CDHR4: variants seen among roughly 807,000 people sequenced by gnomAD.
CDHR4 encodes the protein cadherin related family member 4.
In CDHR4, 89 loss-of-function variants were observed where a neutral mutation model predicts 88.4. The observed-to-expected ratio is 1.01, with a 90% CI of 0.85 to 1.20. The LOEUF is 1.20. Among genes scored for constraint, CDHR4 ranks in the 50% most tolerant of loss-of-function variants. The probability of loss-of-function intolerance (pLI) is 0.00; values close to 1 mark genes in which losing one functional copy is unlikely to be tolerated. For missense variants in CDHR4, 914 were observed against 1,007.2 expected, an observed-to-expected ratio of 0.91 and a Z score of 1.25; for synonymous variants, 368 against 399.2, an observed-to-expected ratio of 0.92 and a Z score of 0.93.
At chr3:49,797,567 C>T (rs1265139008) in intron 4 of CDHR4, among the ~76,000 whole-genome samples, 1 of 152,114 alleles carries the variant, frequency 6.6e-6, no homozygotes, top group African/African-American at 2.4e-5. Context: ...CTGCAGCCTC[C>T]ACCTCCTGGG....
upstream of CDHR4, among the ~76,000 whole-genome samples, chr3:49,802,293 C>G (rs921761029): frequency 6.6e-6 from 1 of 152,182 alleles, no homozygotes; most frequent in Non-Finnish European, 1.5e-5. Context: ...CCTGCCTCAG[C>G]CTCAGGAGTA....
At chr3:49,791,077 A>G (rs1427029104) in intron 18 of CDHR4, among the ~76,000 whole-genome samples, 190 bp from the exon 19 acceptor site, 2 of 152,132 alleles carry the variant, frequency 1.3e-5, no homozygotes, top group Non-Finnish European at 2.9e-5. Context: ...ACTCAAATGC[A>G]CAGGAAGCCT....
intron 10 of CDHR4, 74 bp from the exon 11 acceptor site, chr3:49,794,080 A>G (rs1223789005): frequency 2.1e-6 from 3 of 1,439,070 alleles, no homozygotes; most frequent in Admixed American, 4.0e-5. Flanking sequence ...GGAGGGAGAC[A>G]GGGCCCTGCC....
At chr3:49,800,875 G>A (rs1237498016), upstream of CDHR4, among the ~76,000 whole-genome samples, 3 of 131,114 alleles carry the variant, frequency 2.3e-5, no homozygotes, top group Admixed American at 2.4e-4. Context: ...GTGAAACCCT[G>A]TCTCTACAAA....
Position 49,795,439 on chromosome 3 carries a change from C to T in CDHR4, c.848-60G>A. On this transcript the variant is annotated intron_variant, in intron 7 of 18. Coordinates refer to ENST00000412678, the MANE Select transcript of CDHR4 (RefSeq NM_001007540.4). The surrounding 1 kb of genome is among the most constrained non-coding windows in gnomAD (Gnocchi z 5.4). ...CAGGGAACACAGAGATCAGCCCCGCCTCCCAGCTCAGTCCCACTCCTGCCA... is the reference window on the plus strand; with the variant it reads ...CAGGGAACACAGAGATCAGCCCCGCTTCCCAGCTCAGTCCCACTCCTGCCA... The T allele has an allele frequency of 6.5e-7, 1 of 1,527,114 alleles. No individual in the cohort carries two copies. The highest frequency in any genetic ancestry group is 8.8e-7 in the Non-Finnish European group (1 of 1,135,906). 94.6% of individuals were successfully genotyped at this position (1,527,114 alleles called of 1,614,324 possible).
At chr3:49,797,271 CCCTT>C (rs747092098) in intron 4 of CDHR4, among the ~76,000 whole-genome samples, 16 of 151,082 alleles carry the variant, frequency 1.1e-4, no homozygotes, top group South Asian at 6.3e-4. Context: ...CTCCCTCCCT[CCCTT>C]CCTTCCTTCT....
Position 49,795,497 on chromosome 3 carries a change from G to C in CDHR4, c.848-118C>G. On this transcript the variant is annotated intron_variant, in intron 7 of 18. Transcript: ENST00000412678. The surrounding 1 kb of genome is among the most constrained non-coding windows in gnomAD (Gnocchi z 5.4). ...AGATCCATAGGCAAAGGAGGCCGCT[G>C]AGCCTGGCCCTCCTGCTGCCTTCTC... is the stretch of plus-strand genomic sequence containing the variant. The C allele has an allele frequency of 7.4e-6, 11 of 1,493,310 alleles. No homozygotes were observed. Among genetic ancestry groups the C allele is most frequent in the Non-Finnish European group, 9.9e-6 (11 of 1,112,850 alleles). 92.5% of individuals were successfully genotyped at this position (1,493,310 alleles called of 1,614,324 possible).
At chr3:49,792,344 C>T in intron 15 of CDHR4, 124 bp downstream of exon 15, 1 of 1,230,586 alleles carries the variant, frequency 8.1e-7, no homozygotes, top group East Asian at 2.5e-5. Flanking sequence ...TAGCCCTCCT[C>T]AATATCAGTT....
chr3:49,796,259 T>C (rs1035292318), intron 5 of CDHR4, among the ~76,000 whole-genome samples: 2 of 152,184 alleles, frequency 1.3e-5, no homozygotes, highest in African/African-American at 4.8e-5. Flanking sequence ...TCCATTAGGA[T>C]ACAAACAGCC....
intron 18 of CDHR4, 22 bp downstream of exon 18, chr3:49,791,419 G>A: frequency 6.5e-7 from 1 of 1,538,806 alleles, no homozygotes; most frequent in Non-Finnish European, 8.7e-7. Flanking sequence ...GCAGAGAATA[G>A]CTTAGGAAGA....
Position 49,794,591 on chromosome 3 carries a change from CG to C in CDHR4, c.1279+16del. ...ACAGCCTTGTCCTGGGTGTCCAGGCCGGGTGTGGTCACTCACTGGTCATCTG... is the reference window on the plus strand; with the variant it reads ...ACAGCCTTGTCCTGGGTGTCCAGGCCGGTGTGGTCACTCACTGGTCATCTG... On this transcript the variant is annotated intron_variant, in intron 10 of 18. Coordinates refer to ENST00000412678, the MANE Select transcript of CDHR4 (RefSeq NM_001007540.4). 2 of 1,543,430 alleles carry C rather than the reference CG, an allele frequency of 1.3e-6. No individual in the cohort carries two copies. The highest frequency in any genetic ancestry group is 2.4e-5 in the South Asian group (2 of 83,200).
chr3:49,794,703 T>C lies in CDHR4; in HGVS notation c.1186-2A>G, dbSNP rs2081241144. ...GTCACAGTCCAGTGTGGCATTCACC[T>C]AGCCAAAGGGGCTAGAAAGTGAGGT... On this transcript the variant is annotated splice_acceptor_variant, in intron 9 of 18. Transcript: ENST00000412678. LOFTEE classifies it high-confidence loss of function. 1.3e-6 allele frequency: 2 copies of C among 1,550,170 alleles called. No homozygotes were observed. Among genetic ancestry groups the C allele is most frequent in the Non-Finnish European group, 1.7e-6 (2 of 1,146,144 alleles).
Position 49,791,936 on chromosome 3 carries a change from G to C in CDHR4, c.2162C>G (p.Pro721Arg), listed in dbSNP as rs2081185836. ...CAGCAAAGCCTGGGCTGGTTTGCTG[G>C]GTGCTTGCAGCAGCTGGGCCAACCT... is the stretch of plus-strand genomic sequence containing the variant. Reference protein sequence around the residue: ...LQGLAQLLQAPSKPAQALLLN... With the variant: ...LQGLAQLLQARSKPAQALLLN... Residue 721 changes from proline (P) to arginine (R), a missense_variant, in exon 16 of 19, where the codon CCC (proline) becomes CGC (arginine). Pro to Arg is a moderately radical substitution (Grantham distance 103, BLOSUM62 -2). Transcript: ENST00000412678. 6.4e-7 allele frequency: 1 copy of C among 1,551,546 alleles called. No homozygotes were observed. Among genetic ancestry groups the C allele is most frequent in the Admixed American group, 2.0e-5 (1 of 50,984 alleles).
chr3:49,794,878 C>A, intron 9 of CDHR4, 69 bp downstream of exon 9: 6 of 1,540,776 alleles, frequency 3.9e-6, no homozygotes, highest in Non-Finnish European at 5.3e-6. Flanking sequence ...GTCTCAGAGA[C>A]CCTTGGCCCA....
At chr3:49,794,535 C>T (rs1452334366) in intron 10 of CDHR4, 73 bp downstream of exon 10, 10 of 1,226,640 alleles carry the variant, frequency 8.2e-6, no homozygotes, top group African/African-American at 1.5e-5. Context: ...AGAGATGACC[C>T]TGTCCTGAGC....
At chr3:49,792,738 C>T (rs2081200211) in intron 14 of CDHR4, 116 bp downstream of exon 14, 1 of 1,460,354 alleles carries the variant, frequency 6.8e-7, no homozygotes, top group African/African-American at 1.4e-5. Flanking sequence ...GGGCTCTCCG[C>T]ACTCTGCGCT....
intron 12 of CDHR4, 109 bp downstream of exon 12, chr3:49,793,474 C>T: frequency 6.8e-7 from 1 of 1,479,170 alleles, no homozygotes; most frequent in Non-Finnish European, 9.1e-7. Flanking sequence ...CTTCTCCAGC[C>T]AACTCGTGGA....
chr3:49,795,697 C>T lies in CDHR4; in HGVS notation c.778G>A (p.Ala260Thr). 1.3e-6 allele frequency: 2 copies of T among 1,551,700 alleles called. No homozygotes were observed. ...TCATAGCGCAGGTCGACACCCCGGG[C>T]CTGGACCTGAACCACCTCACTACCG... ...APGSEVVQVQ[A>T]RGVDLRYEIL... Residue 260 changes from alanine to threonine, a missense_variant, in exon 7 of 19, where the codon GCC (alanine) becomes ACC (threonine). By Grantham distance (58) the Ala-to-Thr change is moderately conservative. Transcript: ENST00000412678. This position sits in a 1 kb window ranked among gnomAD's most constrained non-coding sequence, Gnocchi z 5.4.
intron 5 of CDHR4, among the ~76,000 whole-genome samples, chr3:49,796,431 G>A (rs929314043): frequency 2.0e-5 from 3 of 152,036 alleles, no homozygotes; most frequent in Admixed American, 6.6e-5. Context: ...CCACCCCCTG[G>A]GTTCAAGCAA....
Sources: gnomAD v4.1 joint callset for allele counts (sites outside exome capture counted in the v4.1 genomes callset) on GRCh38, gnomAD v4.1.1 for gene constraint, Gnocchi (gnomAD v3.1) non-coding constraint, MANE v1.5 for transcripts, NCBI Gene and HGNC (gene_info 2026-07-23, HGNC 2026-07-21) for gene names.